Variants in NKAIN3 observed in about 807,000 individuals in gnomAD.
NKAIN3 encodes the protein sodium/potassium transporting ATPase interacting 3.
NKAIN3 carries 25 observed loss-of-function variants against 30.2 expected under a neutral mutation model. The ratio of observed to expected loss-of-function variants is 0.83; its 90% CI spans 0.60 to 1.16. NKAIN3 has a LOEUF of 1.16. NKAIN3 is among the 50% of genes most tolerant of loss of function. The probability of loss-of-function intolerance (pLI) is 0.00; values close to 1 mark genes in which losing one functional copy is unlikely to be tolerated. For synonymous variants in NKAIN3, 91 were observed against 89.6 expected, an observed-to-expected ratio of 1.02 and a Z score of -0.09; for missense variants, 225 against 254.1, an observed-to-expected ratio of 0.89 and a Z score of 0.78.
intron 4 of NKAIN3, among the ~76,000 whole-genome samples, chr8:62,756,405 C>T (rs1355166424): frequency 6.6e-6 from 1 of 152,120 alleles, no homozygotes; most frequent in East Asian, 1.9e-4. Context: ...TCAGAACTTC[C>T]TTTTTTATGG....
At chr8:62,750,131 G>A (rs963983486) in intron 4 of NKAIN3, among the ~76,000 whole-genome samples, 1 of 151,944 alleles carries the variant, frequency 6.6e-6, no homozygotes, top group Non-Finnish European at 1.5e-5. Flanking sequence ...GCAAATAGAG[G>A]GGCAGCTTCG....
intron 4 of NKAIN3, among the ~76,000 whole-genome samples, chr8:62,753,352 T>G (rs1361776204): frequency 6.6e-6 from 1 of 152,012 alleles, no homozygotes; most frequent in Non-Finnish European, 1.5e-5. Flanking sequence ...TTTTACTCAT[T>G]TAGCACCCGA....
intron 4 of NKAIN3, among the ~76,000 whole-genome samples, chr8:62,877,623 A>C (rs1268888731): frequency 1.3e-5 from 2 of 152,368 alleles, no homozygotes; most frequent in Non-Finnish European, 2.9e-5. Flanking sequence ...CTAAAATTTT[A>C]AGTTACGCAG....
intron 1 of NKAIN3, among the ~76,000 whole-genome samples, chr8:62,452,117 C>T (rs1805660288): frequency 6.6e-6 from 1 of 152,184 alleles, no homozygotes; most frequent in South Asian, 2.1e-4. Flanking sequence ...GTGGACTTCA[C>T]TTCATAACAA....
intron 3 of NKAIN3, among the ~76,000 whole-genome samples, chr8:62,712,952 G>A (rs1470377696): frequency 6.6e-6 from 1 of 152,190 alleles, no homozygotes; most frequent in African/African-American, 2.4e-5. Flanking sequence ...AAACTGACTC[G>A]GCTCCAAGTA....
chr8:62,610,586 A>G (rs1402242681), intron 3 of NKAIN3, among the ~76,000 whole-genome samples: 2 of 152,150 alleles, frequency 1.3e-5, no homozygotes, highest in Admixed American at 6.5e-5. Flanking sequence ...AAATAATTAC[A>G]TCAGAGAAAA....
chr8:62,839,519 T>A (rs1395098109), intron 4 of NKAIN3, among the ~76,000 whole-genome samples: 1 of 152,128 alleles, frequency 6.6e-6, no homozygotes, highest in Admixed American at 6.6e-5. Context: ...TGATTTGGTA[T>A]GTATCAAATA....
At chr8:62,458,101 C>T (rs1805874625) in intron 1 of NKAIN3, among the ~76,000 whole-genome samples, 2 of 152,230 alleles carry the variant, frequency 1.3e-5, no homozygotes, top group Middle Eastern at 3.4e-3. Flanking sequence ...TCATAATAGA[C>T]AGCTCAAAGC....
At chr8:62,472,435 C>T (rs1325755145) in intron 1 of NKAIN3, among the ~76,000 whole-genome samples, 2 of 152,138 alleles carry the variant, frequency 1.3e-5, no homozygotes, top group African/African-American at 2.4e-5. Flanking sequence ...AAGGGTAACA[C>T]TATCTGGAGG....
At chr8:62,856,294 GC>G in intron 4 of NKAIN3, 1 of 937,364 alleles carries the variant, frequency 1.1e-6, no homozygotes, top group Non-Finnish European at 1.8e-6. Context: ...GATTATAAAT[GC>G]CCAGAGATCA....
intron 3 of NKAIN3, among the ~76,000 whole-genome samples, chr8:62,592,111 A>G (rs779960755): frequency 2.0e-5 from 3 of 152,044 alleles, no homozygotes; most frequent in Non-Finnish European, 4.4e-5. Flanking sequence ...GTCCAGAGTG[A>G]TTTCCACAAC....
chr8:62,348,245 A>G (rs1816069945), intron 1 of NKAIN3, among the ~76,000 whole-genome samples: 1 of 152,182 alleles, frequency 6.6e-6, no homozygotes, highest in Non-Finnish European at 1.5e-5. Flanking sequence ...AAGCCTCATG[A>G]GTTCACTAAG....
At chr8:62,364,518 T>A (rs765508292) in intron 1 of NKAIN3, among the ~76,000 whole-genome samples, 1 of 152,100 alleles carries the variant, frequency 6.6e-6, no homozygotes, top group Non-Finnish European at 1.5e-5. Flanking sequence ...CAAGAAATTC[T>A]ACTCCTTTGT....
At chr8:62,653,771 G>A (rs978814068) in intron 3 of NKAIN3, among the ~76,000 whole-genome samples, 1 of 152,124 alleles carries the variant, frequency 6.6e-6, no homozygotes, top group Non-Finnish European at 1.5e-5. Context: ...CAGCCCTACT[G>A]TTCCACTGTG....
At position 62,969,795 on chromosome 8, in the gene NKAIN3, G is replaced by A. The variant is rs932638981; in HGVS notation, c.*4388G>A. The stretch of plus-strand genomic sequence containing the variant: ...GTCTGTTGAAGTGTCTAAGAACCAT[G>A]TTGAAATATTTGTGATAAATAGGCC... On this transcript the variant is annotated 3_prime_UTR_variant, in exon 7 of 7. Transcript: ENST00000623646. 2.0e-5 allele frequency among the ~76,000 whole-genome samples: 3 copies of A among 152,160 alleles called. No homozygotes were observed. The highest frequency in any genetic ancestry group is 2.0e-4 in the Admixed American group (3 of 15,272).
Position 62,387,824 on chromosome 8 carries a change from A to G in NKAIN3, c.54+138697A>G, listed in dbSNP as rs188099788. Among the ~76,000 whole-genome samples, 11 of 152,336 alleles carry G rather than the reference A, an allele frequency of 7.2e-5. No individual in the cohort carries two copies. In the East Asian group the frequency reaches 1.9e-3, roughly 27 times the overall value. On this transcript the variant is annotated intron_variant, in intron 1 of 6. Transcript: ENST00000623646. ...GTCTACAGTGAGATTGGTAGTAAAT[A>G]TAATTTCAAACATAATTTTCAACGT...
At chr8:62,665,393 G>A (rs1480259338) in intron 3 of NKAIN3, among the ~76,000 whole-genome samples, 1 of 151,866 alleles carries the variant, frequency 6.6e-6, no homozygotes, top group Non-Finnish European at 1.5e-5. Flanking sequence ...ATACATTTCA[G>A]AGCCCCTTAC....
At chr8:62,897,376 T>A (rs1821461015) in intron 4 of NKAIN3, among the ~76,000 whole-genome samples, 1 of 152,154 alleles carries the variant, frequency 6.6e-6, no homozygotes, top group African/African-American at 2.4e-5. Context: ...TGTAATTTTT[T>A]TTTTTCATTT....
chr8:62,531,630 C>T (rs1808493349), intron 1 of NKAIN3, among the ~76,000 whole-genome samples: 1 of 152,168 alleles, frequency 6.6e-6, no homozygotes, highest in Non-Finnish European at 1.5e-5. Flanking sequence ...TCTTTTGCAT[C>T]CCCAGCCGAC....
Sources: allele counts gnomAD v4.1 joint callset (sites outside exome capture counted in the v4.1 genomes callset), GRCh38; gene constraint gnomAD v4.1.1; transcripts MANE v1.5; gene names NCBI Gene and HGNC (gene_info 2026-07-23, HGNC 2026-07-21).